The following GPAT4 variants were observed in gnomAD, a reference collection of about 807,000 sequenced individuals.
The protein encoded by GPAT4 is glycerol-3-phosphate acyltransferase 4.
A neutral mutation model predicts 58.0 loss-of-function variants in GPAT4; 17 were observed. The ratio of observed to expected loss-of-function variants is 0.29; its 90% confidence interval spans 0.20 to 0.44. The LOEUF is 0.44. GPAT4 is among the 20% of genes least tolerant of loss of function. The probability of loss-of-function intolerance (pLI) is 1.00; values close to 1 mark genes in which losing one functional copy is unlikely to be tolerated. For synonymous variants in GPAT4, 204 were observed against 210.1 expected, an observed-to-expected ratio of 0.97 and a Z score of 0.25; for missense variants, 377 against 574.5, an observed-to-expected ratio of 0.66 and a Z score of 3.51.
chr8:41,618,554 T>G, intron 10 of GPAT4, 130 bp from the exon 11 acceptor site: 2 of 1,164,788 alleles, frequency 1.7e-6, no homozygotes, highest in Non-Finnish European at 2.5e-6. Flanking sequence ...TCCACAGTAC[T>G]CATGCAAGGT....
At chr8:41,608,818 G>T (rs1803355478) in intron 2 of GPAT4, among the ~76,000 whole-genome samples, 2 of 101,892 alleles carry the variant, frequency 2.0e-5, no homozygotes, top group Admixed American at 1.9e-4. Context: ...ATTGAATCTG[G>T]GTTTTTTTTT....
At chr8:41,580,002 A>T (rs984456949) in intron 1 of GPAT4, among the ~76,000 whole-genome samples, 11 of 152,154 alleles carry the variant, frequency 7.2e-5, no homozygotes, top group African/African-American at 2.7e-4. Flanking sequence ...CTCTGCCTCG[A>T]GGCTGCGGTT....
chr8:41,615,158 C>G (rs1466519127), intron 10 of GPAT4, 110 bp downstream of exon 10: 1 of 969,872 alleles, frequency 1.0e-6, no homozygotes, highest in African/African-American at 1.6e-5. Context: ...GGTCGATGCC[C>G]TCAGCAGAGT....
chr8:41,609,988 G>C, intron 4 of GPAT4, 33 bp downstream of exon 4: 3 of 1,565,190 alleles, frequency 1.9e-6, no homozygotes, highest in Non-Finnish European at 2.6e-6. Context: ...GGGGCTCGCT[G>C]CTGCCACCCC....
chr8:41,610,340 C>T, intron 4 of GPAT4: 1 of 1,219,096 alleles, frequency 8.2e-7, no homozygotes, highest in South Asian at 1.8e-5. Flanking sequence ...CTGAGTGTGC[C>T]TTGCCAGATG....
At chr8:41,583,205 A>G (rs569501190) in intron 1 of GPAT4, among the ~76,000 whole-genome samples, 5 of 152,176 alleles carry the variant, frequency 3.3e-5, no homozygotes, top group African/African-American at 1.2e-4. Context: ...AGCCTGGGCC[A>G]CAAAATGAGA....
intron 10 of GPAT4, among the ~76,000 whole-genome samples, chr8:41,615,668 C>G (rs529238504): frequency 1.3e-5 from 2 of 152,194 alleles, no homozygotes; most frequent in Non-Finnish European, 2.9e-5. Context: ...CCTCCCCGCT[C>G]TTACCCTCTT....
At chr8:41,597,313 G>T (rs1802960328) in intron 1 of GPAT4, among the ~76,000 whole-genome samples, 1 of 152,208 alleles carries the variant, frequency 6.6e-6, no homozygotes, top group Non-Finnish European at 1.5e-5. Flanking sequence ...ATAGCCTGAA[G>T]GTGATTAGTG....
intron 10 of GPAT4, among the ~76,000 whole-genome samples, chr8:41,616,164 G>A (rs971238350): frequency 5.3e-5 from 8 of 152,248 alleles, no homozygotes; most frequent in Middle Eastern, 3.2e-3. Flanking sequence ...TTTGCAGTGT[G>A]ACCGTGATGC....
chr8:41,595,935 G>A (rs1802920333), intron 1 of GPAT4, among the ~76,000 whole-genome samples: 3 of 152,044 alleles, frequency 2.0e-5, no homozygotes, highest in Admixed American at 2.0e-4. Flanking sequence ...GTGGGGGGGT[G>A]TGATCTAAAA....
intron 1 of GPAT4, among the ~76,000 whole-genome samples, chr8:41,581,993 ATTTTTTTTTTTTTTTTTTT>A (rs71230849): frequency 4.7e-5 from 3 of 63,592 alleles, no homozygotes; most frequent in Non-Finnish European, 8.1e-5. Flanking sequence ...AAGTTCAATG[ATTTTTTTTTTTTTTTTTTT>A]TTTTTTTTTT....
At position 41,609,948 on chromosome 8, in the gene GPAT4, C is replaced by A; in HGVS notation, c.529C>A (p.Pro177Thr). Reference protein sequence around the residue: ...GVLIRYCFLLPLRIALAFTGI... With the variant: ...GVLIRYCFLLTLRIALAFTGI... ...GCTGATTCGGTACTGCTTTCTGCTG[C>A]CGCTCAGGTGAGGCAGGGCCTGCGG... The change falls in exon 4 of 13, where the codon CCG (proline) becomes ACG (threonine). Residue 177 changes from proline (P) to threonine (T), a missense_variant. Physicochemically the swap from Pro to Thr is conservative, Grantham distance 38 (BLOSUM62 -1). Coordinates refer to ENST00000396987, the MANE Select transcript of GPAT4 (RefSeq NM_178819.4). The A allele has an allele frequency of 6.2e-7, 1 of 1,603,124 alleles. No individual in the cohort carries two copies.
chr8:41,597,027 C>T (rs10958692), intron 1 of GPAT4, among the ~76,000 whole-genome samples: 12,346 of 152,176 alleles, frequency 0.081, 559 homozygotes, highest in Middle Eastern at 0.14. Flanking sequence ...GGGGTTTTCA[C>T]GATGCTTTTC....
intron 2 of GPAT4, among the ~76,000 whole-genome samples, chr8:41,608,897 A>AC (rs1164623962): frequency 6.6e-6 from 1 of 151,930 alleles, no homozygotes; most frequent in Non-Finnish European, 1.5e-5. Flanking sequence ...TTTCAGTGTT[A>AC]AGTTGTGGGA....
At chr8:41,579,941 A>G (rs1802467987) in intron 1 of GPAT4, among the ~76,000 whole-genome samples, 1 of 152,282 alleles carries the variant, frequency 6.6e-6, no homozygotes. Context: ...AGGTCCAGAG[A>G]AGTTCAGTGA....
intron 1 of GPAT4, among the ~76,000 whole-genome samples, chr8:41,595,135 A>G (rs544587717): frequency 2.0e-5 from 3 of 151,158 alleles, no homozygotes; most frequent in South Asian, 4.2e-4. Flanking sequence ...GTTTAGTCCA[A>G]ATTAACTTAG....
At chr8:41,607,592 G>A (rs545535436) in intron 2 of GPAT4, among the ~76,000 whole-genome samples, 1 of 147,716 alleles carries the variant, frequency 6.8e-6, no homozygotes, top group Non-Finnish European at 1.5e-5. Flanking sequence ...AGGCTGTAGT[G>A]CAGTGGTGCA....
chr8:41,582,643 A>C (rs1443560132), intron 1 of GPAT4, among the ~76,000 whole-genome samples: 1 of 150,124 alleles, frequency 6.7e-6, no homozygotes, highest in Non-Finnish European at 1.5e-5. Context: ...AGGTTGATTT[A>C]ATCATTCCAC....
intron 1 of GPAT4, among the ~76,000 whole-genome samples, chr8:41,594,623 G>A (rs1460730812): frequency 6.9e-6 from 1 of 145,916 alleles, no homozygotes; most frequent in African/African-American, 2.6e-5. Flanking sequence ...TCGGCTCACT[G>A]CAAGCTCCGC....
Sources: allele counts gnomAD v4.1 joint callset (sites outside exome capture counted in the v4.1 genomes callset), GRCh38; gene constraint gnomAD v4.1.1; transcripts MANE v1.5; gene names NCBI Gene and HGNC (gene_info 2026-07-23, HGNC 2026-07-21).